Variants in USP43 observed in about 807,000 individuals in gnomAD.
USP43 encodes ubiquitin carboxyl-terminal hydrolase 43.
USP43 carries 33 observed loss-of-function variants against 90.7 expected under a neutral mutation model. The observed-to-expected ratio is 0.36, with a 90% CI of 0.28 to 0.49. The LOEUF (loss-of-function observed/expected upper bound fraction) is 0.49, where lower values mean the gene tolerates loss of function less well. USP43 is among the 20% of genes least tolerant of loss of function. The probability of loss-of-function intolerance (pLI) is 0.98; values close to 1 mark genes in which losing one functional copy is unlikely to be tolerated. For synonymous variants in USP43, 598 were observed against 615.8 expected (o/e 0.97, Z 0.43); for missense variants, 1,274 against 1,476.4 (o/e 0.86, Z 2.25).
chr17:9,727,808 C>A, intron 14 of USP43, 146 bp from the exon 15 acceptor site: 4 of 861,194 alleles, frequency 4.6e-6, no homozygotes, highest in Non-Finnish European at 6.9e-6. Flanking sequence ...TCCCCAAAGG[C>A]AGGAACCCTA....
At chr17:9,704,920 G>A (rs1915790570) in intron 12 of USP43, among the ~76,000 whole-genome samples, 1 of 152,180 alleles carries the variant, frequency 6.6e-6, no homozygotes, top group South Asian at 2.1e-4. Context: ...CTTCTTGGAA[G>A]TGTGATAATT....
intron 2 of USP43, among the ~76,000 whole-genome samples, chr17:9,662,376 T>C (rs772024366): frequency 3.9e-5 from 6 of 152,316 alleles, no homozygotes; most frequent in Admixed American, 2.6e-4. Context: ...GCCTGGATAT[T>C]GAGTCACCTC....
chr17:9,667,245 C>T (rs115227746), intron 3 of USP43, among the ~76,000 whole-genome samples: 2,767 of 152,078 alleles, frequency 0.018, 79 homozygotes, highest in African/African-American at 0.063. Context: ...GGGTGTGGCA[C>T]GTGCCTGTGG....
chr17:9,663,761 T>C (rs760687706), intron 2 of USP43, among the ~76,000 whole-genome samples: 1 of 152,056 alleles, frequency 6.6e-6, no homozygotes, highest in Non-Finnish European at 1.5e-5. Flanking sequence ...GTATGTGGGA[T>C]TACAGGTGCC....
In USP43 at chr17:9,728,336, A is replaced by C. The variant is rs754786295; in HGVS notation, c.2718A>C (p.Ser906=). ...ACCACTGTCTGGCCCCTGGAAACTC[A>C]GATGGTCCAAACACAGCAAGGAAAC... ...QPNHCLAPGN[S]DGPNTARKLK... is the part of the protein sequence containing the mutation. The change falls in exon 15 of 15, where the codon TCA becomes TCC. Residue 906 remains serine, a synonymous_variant. Coordinates refer to ENST00000285199, the MANE Select transcript of USP43 (RefSeq NM_153210.5). This position sits in a 1 kb window ranked among gnomAD's most constrained non-coding sequence, Gnocchi z 6.2. The C allele has an allele frequency of 6.2e-7, 1 of 1,612,184 alleles. No homozygotes were observed. The highest frequency in any genetic ancestry group is 8.5e-7 in the Non-Finnish European group (1 of 1,179,158).
intron 14 of USP43, among the ~76,000 whole-genome samples, chr17:9,724,687 G>GAAAGA (rs772727593): frequency 8.5e-5 from 13 of 152,176 alleles, no homozygotes; most frequent in Non-Finnish European, 7.4e-5. Context: ...TCTCAAGAAA[G>GAAAGA]AAAGAAAAGA....
chr17:9,708,542 G>A (rs1473213854), intron 12 of USP43, among the ~76,000 whole-genome samples: 1 of 152,204 alleles, frequency 6.6e-6, no homozygotes, highest in Non-Finnish European at 1.5e-5. Context: ...GAGCAAAGAT[G>A]AACTCCTAGG....
intron 14 of USP43, among the ~76,000 whole-genome samples, chr17:9,714,376 A>G (rs1019679425): frequency 6.6e-5 from 10 of 152,078 alleles, no homozygotes; most frequent in African/African-American, 2.4e-4. Flanking sequence ...CCCTGGGGAA[A>G]TAGTACAGAT....
chr17:9,724,830 A>G (rs906064975), intron 14 of USP43, among the ~76,000 whole-genome samples: 1 of 152,212 alleles, frequency 6.6e-6, no homozygotes, highest in Non-Finnish European at 1.5e-5. Flanking sequence ...TGTGCTTATT[A>G]AATATTTTTT....
chr17:9,664,786 C>T (rs925760827), intron 2 of USP43, among the ~76,000 whole-genome samples: 5 of 151,960 alleles, frequency 3.3e-5, no homozygotes, highest in African/African-American at 9.7e-5. Flanking sequence ...TACAGGTGCC[C>T]GCCACCACGC....
chr17:9,651,835 TA>T (rs1169323477), intron 1 of USP43, among the ~76,000 whole-genome samples: 17 of 152,162 alleles, frequency 1.1e-4, no homozygotes, highest in Non-Finnish European at 2.1e-4. Flanking sequence ...GAGTAAAAAA[TA>T]TTAGAAAGAA....
intron 7 of USP43, among the ~76,000 whole-genome samples, chr17:9,684,229 A>G (rs959431525): frequency 1.3e-5 from 2 of 152,162 alleles, no homozygotes; most frequent in Non-Finnish European, 2.9e-5. Context: ...TTTAACATCA[A>G]AGTCAGGAGG....
At chr17:9,651,591 C>A (rs763745246) in intron 1 of USP43, among the ~76,000 whole-genome samples, 5 of 152,124 alleles carry the variant, frequency 3.3e-5, no homozygotes, top group Non-Finnish European at 7.3e-5. Context: ...TGGAAGATTT[C>A]GATTTATTTA....
rs892300952 is a variant in USP43, at chr17:9,709,565, T to C, written c.2012-391T>C. On this transcript the variant is annotated intron_variant, in intron 12 of 14. Transcript: ENST00000285199. The surrounding 1 kb of genome is among the most constrained non-coding windows in gnomAD (Gnocchi z 5.0). The stretch of plus-strand genomic sequence containing the variant: ...ACCCCATCTCTAATAAAAATATAAA[T>C]ATTAGCCGGGTGTGGTGGCAGGCAA... Among the ~76,000 whole-genome samples, 2 of 151,514 alleles carry C rather than the reference T, an allele frequency of 1.3e-5. No individual in the cohort carries two copies. The highest frequency in any genetic ancestry group is 4.9e-5 in the African/African-American group (2 of 41,224).
Position 9,686,900 on chromosome 17 carries a change from C to G in USP43, c.1344C>G (p.Ala448=), listed in dbSNP as rs749036196. ...TCCGCCATCTTATGAAGAGTGAGGCCCCTGTACAGGTCAGTGGTGTGCATG... is the reference window on the plus strand; with the variant it reads ...TCCGCCATCTTATGAAGAGTGAGGCGCCTGTACAGGTCAGTGGTGTGCATG... ...SKVRHLMKSE[A]PVQNLGSLFS... is the part of the protein sequence containing the mutation. Residue 448 remains alanine, a synonymous_variant, in exon 8 of 15, where the codon GCC becomes GCG. Transcript: ENST00000285199. The surrounding 1 kb of genome is among the most constrained non-coding windows in gnomAD (Gnocchi z 5.5). The G allele has an allele frequency of 6.2e-7, 1 of 1,613,242 alleles. No homozygotes were observed. The highest frequency in any genetic ancestry group is 8.5e-7 in the Non-Finnish European group (1 of 1,179,798).
At chr17:9,696,606 A>G (rs958468948) in intron 9 of USP43, among the ~76,000 whole-genome samples, 1 of 152,222 alleles carries the variant, frequency 6.6e-6, no homozygotes, top group African/African-American at 2.4e-5. Flanking sequence ...TTCTTGCTTA[A>G]AGCTTTCCAT....
At position 9,674,224 on chromosome 17, in the gene USP43, A is replaced by G. The variant is rs1913623833; in HGVS notation, c.741-667A>G. Among the ~76,000 whole-genome samples, 1 of 152,086 alleles carries G rather than the reference A, an allele frequency of 6.6e-6. No homozygotes were observed. The highest frequency in any genetic ancestry group is 6.6e-5 in the Admixed American group (1 of 15,260). On this transcript the variant is annotated intron_variant, in intron 3 of 14. Coordinates refer to ENST00000285199, the MANE Select transcript of USP43 (RefSeq NM_153210.5). This position sits in a 1 kb window ranked among gnomAD's most constrained non-coding sequence, Gnocchi z 4.4. ...GGTTATAGCTTCCCTTCCCATACTCAGTGCATTTATGTGTGTCACTAAACA... is the reference window on the plus strand; with the variant it reads ...GGTTATAGCTTCCCTTCCCATACTCGGTGCATTTATGTGTGTCACTAAACA...
At chr17:9,715,365 A>T (rs1257814424) in intron 14 of USP43, among the ~76,000 whole-genome samples, 1 of 152,124 alleles carries the variant, frequency 6.6e-6, no homozygotes, top group African/African-American at 2.4e-5. Context: ...AGGTGGGAGG[A>T]TCTCTTGAGC....
At chr17:9,719,598 C>G (rs1377548147) in intron 14 of USP43, among the ~76,000 whole-genome samples, 1 of 152,206 alleles carries the variant, frequency 6.6e-6, no homozygotes, top group Non-Finnish European at 1.5e-5. Context: ...CCCGTTCCCT[C>G]TGGGTGCCAG....
Sources: allele counts gnomAD v4.1 joint callset (sites outside exome capture counted in the v4.1 genomes callset), GRCh38; gene constraint gnomAD v4.1.1; non-coding constraint Gnocchi (gnomAD v3.1); transcripts MANE v1.5; gene names NCBI Gene and HGNC (gene_info 2026-07-23, HGNC 2026-07-21).